The following SDK1 variants were observed in gnomAD, a reference collection of about 807,000 sequenced individuals.
SDK1 encodes protein sidekick-1.
A neutral mutation model predicts 245.5 loss-of-function variants in SDK1; 157 were observed. The observed-to-expected ratio is 0.64, with a 90% confidence interval of 0.56 to 0.73. The LOEUF (loss-of-function observed/expected upper bound fraction) is 0.73, where lower values mean the gene tolerates loss of function less well. Ranked by LOEUF, SDK1 falls within the 30% of genes least tolerant of loss-of-function variation. The pLI, the probability that SDK1 is intolerant of heterozygous loss-of-function variation, is 0.00. For missense variants in SDK1, 3,583 were observed against 3,002.3 expected, an observed-to-expected ratio of 1.19 and a Z score of -4.52; for synonymous variants, 1,647 against 1,278.5, an observed-to-expected ratio of 1.29 and a Z score of -6.15.
chr7:3,437,276 A>G (rs896717183), intron 1 of SDK1, among the ~76,000 whole-genome samples: 1 of 152,134 alleles, frequency 6.6e-6, no homozygotes, highest in Non-Finnish European at 1.5e-5. Flanking sequence ...TAACATTGTT[A>G]TTTCCCAGAT....
chr7:3,452,522 A>G (rs529087092), intron 1 of SDK1, among the ~76,000 whole-genome samples: 1 of 152,342 alleles, frequency 6.6e-6, no homozygotes, highest in East Asian at 1.9e-4. Context: ...TGCATTAATA[A>G]CAAATCAAAA....
At chr7:3,836,507 C>T (rs1480198214) in intron 5 of SDK1, among the ~76,000 whole-genome samples, 2 of 152,134 alleles carry the variant, frequency 1.3e-5, no homozygotes, top group African/African-American at 4.8e-5. Flanking sequence ...CTGGTTTCTA[C>T]TATCAGAGCT....
chr7:3,623,490 C>G (rs951646471), intron 2 of SDK1, among the ~76,000 whole-genome samples: 11 of 152,236 alleles, frequency 7.2e-5, no homozygotes, highest in African/African-American at 2.6e-4. Context: ...ATCTGCCTGT[C>G]TCAGCCTCCC....
chr7:3,319,510 C>A (rs750832320), intron 1 of SDK1, among the ~76,000 whole-genome samples: 1 of 152,166 alleles, frequency 6.6e-6, no homozygotes, highest in African/African-American at 2.4e-5. Flanking sequence ...TTTATTATCT[C>A]CTCAAGAGTA....
intron 13 of SDK1, among the ~76,000 whole-genome samples, chr7:3,977,373 CACA>C (rs879362530): frequency 0.078 from 9,506 of 122,220 alleles, 482 homozygotes; most frequent in Middle Eastern, 0.1. Flanking sequence ...GAGGCTGCCA[CACA>C]GACGGTCCTC....
At chr7:4,253,110 T>C (rs1038780240) in intron 44 of SDK1, among the ~76,000 whole-genome samples, 1 of 152,182 alleles carries the variant, frequency 6.6e-6, no homozygotes, top group Non-Finnish European at 1.5e-5. Flanking sequence ...TTCTCTATTA[T>C]TTTTCTACTT....
chr7:4,130,659 C>T (rs1383535702), intron 27 of SDK1, among the ~76,000 whole-genome samples: 1 of 152,226 alleles, frequency 6.6e-6, no homozygotes, highest in Non-Finnish European at 1.5e-5. Flanking sequence ...GTTTCTGGAC[C>T]TGAATCACAA....
chr7:4,204,370 A>G (rs1306859782), intron 35 of SDK1, among the ~76,000 whole-genome samples: 1 of 152,214 alleles, frequency 6.6e-6, no homozygotes, highest in Non-Finnish European at 1.5e-5. Flanking sequence ...AGCATCTGTC[A>G]CAACAACCTG....
intron 1 of SDK1, among the ~76,000 whole-genome samples, chr7:3,611,587 G>C (rs1429606029): frequency 6.6e-6 from 1 of 152,062 alleles, no homozygotes; most frequent in Admixed American, 6.5e-5. Context: ...TAGATGAAAG[G>C]GTAGTTCTAC....
rs1187815484 is a variant in SDK1 at position 4,221,299 on chromosome 7, A to G, written c.5762A>G (p.Gln1921Arg). ...VTKSASELTLQWTEGHSGDTP... is the reference protein window; with the variant it reads ...VTKSASELTLRWTEGHSGDTP... ...AAGTCCGCCTCTGAACTGACGCTGCAGTGGACTGAGGGACACTCTGGCGAC... is the reference window on the plus strand; with the variant it reads ...AAGTCCGCCTCTGAACTGACGCTGCGGTGGACTGAGGGACACTCTGGCGAC... The change falls in exon 40 of 45, where the codon CAG (glutamine) becomes CGG (arginine). Residue 1921 changes from glutamine to arginine, a missense_variant. Transcript: ENST00000404826. 6 of 1,613,756 alleles carry G rather than the reference A, an allele frequency of 3.7e-6. No individual in the cohort carries two copies. The highest frequency in any genetic ancestry group is 1.3e-5 in the African/African-American group (1 of 74,926).
intron 1 of SDK1, among the ~76,000 whole-genome samples, chr7:3,541,159 A>G (rs1223322160): frequency 6.6e-6 from 1 of 152,238 alleles, no homozygotes; most frequent in African/African-American, 2.4e-5. Flanking sequence ...TCTTAAGTAT[A>G]ACTATATCCT....
At chr7:3,342,788 C>G (rs905863128) in intron 1 of SDK1, among the ~76,000 whole-genome samples, 2 of 151,968 alleles carry the variant, frequency 1.3e-5, no homozygotes, top group Non-Finnish European at 2.9e-5. Flanking sequence ...ATCTGTCTGC[C>G]AAGAGACTAA....
intron 25 of SDK1, among the ~76,000 whole-genome samples, chr7:4,116,314 C>G (rs1050761374): frequency 2.0e-5 from 3 of 152,178 alleles, no homozygotes; most frequent in African/African-American, 7.2e-5. Context: ...CCAACACCAC[C>G]CCTCCACCCT....
chr7:4,196,876 G>T (rs776849247), intron 35 of SDK1, among the ~76,000 whole-genome samples: 3 of 152,204 alleles, frequency 2.0e-5, no homozygotes, highest in Non-Finnish European at 4.4e-5. Flanking sequence ...GCTAACAAGG[G>T]CTGCCTCTCT....
chr7:3,645,236 T>G (rs1216379305), intron 4 of SDK1, among the ~76,000 whole-genome samples: 1 of 152,226 alleles, frequency 6.6e-6, no homozygotes, highest in African/African-American at 2.4e-5. Flanking sequence ...TTTAACTTGG[T>G]GTAATATCAA....
chr7:3,501,076 C>T (rs527532672), intron 1 of SDK1, among the ~76,000 whole-genome samples: 1 of 152,026 alleles, frequency 6.6e-6, no homozygotes, highest in South Asian at 2.1e-4. Flanking sequence ...GATGACTGTT[C>T]ATTGTATATG....
At chr7:4,017,387 T>A (rs758583161) in intron 17 of SDK1, 35 bp downstream of exon 17, 38 of 1,569,442 alleles carry the variant, frequency 2.4e-5, no homozygotes, top group Admixed American at 8.9e-5. Flanking sequence ...GGTGGCGGGA[T>A]CTTTGCCGGG....
chr7:3,469,988 C>G (rs1202177172), intron 1 of SDK1, among the ~76,000 whole-genome samples: 1 of 152,124 alleles, frequency 6.6e-6, no homozygotes, highest in Non-Finnish European at 1.5e-5. Flanking sequence ...ACCCGAGACA[C>G]AAAATGCATG....
chr7:3,683,012 G>C (rs944364208), intron 4 of SDK1, among the ~76,000 whole-genome samples: 1 of 152,188 alleles, frequency 6.6e-6, no homozygotes, highest in Admixed American at 6.5e-5. Context: ...GTGATCACAA[G>C]TATGAGCTAC....
Sources: allele counts gnomAD v4.1 joint callset (sites outside exome capture counted in the v4.1 genomes callset), GRCh38; gene constraint gnomAD v4.1.1; transcripts MANE v1.5; gene names NCBI Gene and HGNC (gene_info 2026-07-23, HGNC 2026-07-21).